The following SYT1 variants were observed in gnomAD, a reference collection of about 807,000 sequenced individuals.
The protein encoded by SYT1 is synaptotagmin-1.
In SYT1, 8 loss-of-function variants were observed where a neutral mutation model predicts 44.8. That is an observed-to-expected ratio of 0.18 (90% CI 0.10 to 0.32). The LOEUF (loss-of-function observed/expected upper bound fraction) is 0.32, where lower values mean the gene tolerates loss of function less well. Ranked by LOEUF, SYT1 falls within the 10% of genes least tolerant of loss-of-function variation. SYT1 has a pLI of 1.00. For missense variants in SYT1, 286 were observed against 509.3 expected (o/e 0.56, Z 4.22); for synonymous variants, 154 against 188.8 (o/e 0.82, Z 1.51).
intron 1 of SYT1, among the ~76,000 whole-genome samples, chr12:78,889,463 T>C (rs923412459): frequency 6.6e-6 from 1 of 151,880 alleles, no homozygotes; most frequent in Non-Finnish European, 1.5e-5. Context: ...TGCTCTACAA[T>C]AGGTAAAAAG....
chr12:79,135,103 C>CT (rs913504729), intron 3 of SYT1, among the ~76,000 whole-genome samples: 1 of 151,912 alleles, frequency 6.6e-6, no homozygotes, highest in Non-Finnish European at 1.5e-5. Flanking sequence ...AGTGCATATA[C>CT]TTTTTTATTA....
At chr12:79,289,356 A>G (rs1169034687) in intron 5 of SYT1, among the ~76,000 whole-genome samples, 1 of 152,212 alleles carries the variant, frequency 6.6e-6, no homozygotes, top group Non-Finnish European at 1.5e-5. Flanking sequence ...GAGATATTAT[A>G]ATAGCTACTG....
intron 2 of SYT1, among the ~76,000 whole-genome samples, chr12:78,986,785 T>G (rs1193929783): frequency 6.6e-6 from 1 of 152,034 alleles, no homozygotes; most frequent in East Asian, 1.9e-4. Flanking sequence ...TATAATAGAA[T>G]TATGGACTGT....
At chr12:79,066,603 TG>T (rs1744965222) in intron 3 of SYT1, among the ~76,000 whole-genome samples, 1 of 152,288 alleles carries the variant, frequency 6.6e-6, no homozygotes, top group Non-Finnish European at 1.5e-5. Context: ...GTAAATATTG[TG>T]AATTATACTT....
At chr12:79,224,164 C>G (rs1006271560) in intron 4 of SYT1, among the ~76,000 whole-genome samples, 18 of 152,182 alleles carry the variant, frequency 1.2e-4, no homozygotes, top group African/African-American at 3.9e-4. Flanking sequence ...TACTCTGCCT[C>G]AGTCCAGTTG....
At chr12:79,196,746 C>A (rs1873487209) in intron 3 of SYT1, among the ~76,000 whole-genome samples, 1 of 152,152 alleles carries the variant, frequency 6.6e-6, no homozygotes, top group Admixed American at 6.5e-5. Flanking sequence ...GCATTGTACA[C>A]ACAACAGGAG....
intron 1 of SYT1, among the ~76,000 whole-genome samples, chr12:78,934,887 T>A (rs1877966034): frequency 1.3e-5 from 2 of 152,142 alleles, no homozygotes; most frequent in African/African-American, 4.8e-5. Flanking sequence ...ATTTAGGAAT[T>A]CAAGCAGATC....
intron 4 of SYT1, among the ~76,000 whole-genome samples, chr12:79,241,206 T>A (rs1393128916): frequency 6.6e-6 from 1 of 151,416 alleles, no homozygotes; most frequent in Non-Finnish European, 1.5e-5. Flanking sequence ...GTAAGTAAAA[T>A]TCTGAGATTC....
chr12:78,931,327 GGGAGGGAGGGAA>G (rs1877707271), intron 1 of SYT1, among the ~76,000 whole-genome samples: 2 of 23,332 alleles, frequency 8.6e-5, no homozygotes, highest in African/African-American at 2.8e-4. Context: ...GAGGGAGGGA[GGGAGGGAGGGAA>G]GGAAGGAAGG....
chr12:79,330,080 A>G (rs930743488), intron 8 of SYT1, among the ~76,000 whole-genome samples: 1 of 152,094 alleles, frequency 6.6e-6, no homozygotes, highest in Admixed American at 6.5e-5. Context: ...AATCTGTTTA[A>G]CTCAGGCAAC....
chr12:79,366,116 C>T (rs1279431147), intron 9 of SYT1, among the ~76,000 whole-genome samples: 5 of 152,180 alleles, frequency 3.3e-5, no homozygotes, highest in African/African-American at 1.2e-4. Flanking sequence ...AGAAAACACT[C>T]CTGCATTTTA....
chr12:78,914,055 T>G (rs181041761), intron 1 of SYT1, among the ~76,000 whole-genome samples: 120 of 151,990 alleles, frequency 7.9e-4, no homozygotes, highest in Non-Finnish European at 1.1e-3. Context: ...TGACTATAAA[T>G]TAGATAATAT....
At chr12:78,921,577 G>T (rs923762898) in intron 1 of SYT1, among the ~76,000 whole-genome samples, 2 of 151,800 alleles carry the variant, frequency 1.3e-5, no homozygotes, top group East Asian at 1.9e-4. Context: ...CACAGCTCAG[G>T]TCTTGATTCT....
intron 2 of SYT1, among the ~76,000 whole-genome samples, chr12:79,006,649 T>G (rs1871106181): frequency 6.6e-6 from 1 of 152,064 alleles, no homozygotes; most frequent in Non-Finnish European, 1.5e-5. Context: ...TTGTTTTGGG[T>G]TTTGTTATCT....
chr12:79,148,103 C>T (rs942661077), intron 3 of SYT1, among the ~76,000 whole-genome samples: 1 of 152,100 alleles, frequency 6.6e-6, no homozygotes, highest in African/African-American at 2.4e-5. Context: ...TTCATTTAGG[C>T]ATGCAGTGCT....
At chr12:79,019,895 T>C (rs1872071227) in intron 2 of SYT1, among the ~76,000 whole-genome samples, 1 of 151,974 alleles carries the variant, frequency 6.6e-6, no homozygotes, top group Non-Finnish European at 1.5e-5. Context: ...TTTTTCCTTT[T>C]CACACCTCTA....
Position 79,449,204 on chromosome 12 carries a change from CT to C in SYT1, c.*83del. The C allele has an allele frequency of 7.2e-7, 1 of 1,397,234 alleles. No homozygotes were observed. Among genetic ancestry groups the C allele is most frequent in the Non-Finnish European group, 9.8e-7 (1 of 1,023,518 alleles). The allele number at this position is 1,397,234 out of a possible 1,614,324, so 86.6% of individuals were successfully genotyped here. On this transcript the variant is annotated 3_prime_UTR_variant, in exon 11 of 11. Coordinates refer to ENST00000261205, the MANE Select transcript of SYT1 (RefSeq NM_005639.3). The stretch of plus-strand genomic sequence containing the variant: ...TGTAAATACCTCAGTAATATGGGTC[CT>C]TTCATTTTTCCAGCCATGCATTCCT...
chr12:79,173,383 G>A (rs1024785839), intron 3 of SYT1, among the ~76,000 whole-genome samples: 1 of 152,048 alleles, frequency 6.6e-6, no homozygotes, highest in African/African-American at 2.4e-5. Context: ...CCCCAAATTT[G>A]TCAGTTAGGC....
At chr12:78,904,134 T>G (rs1044753190) in intron 1 of SYT1, among the ~76,000 whole-genome samples, 11 of 152,128 alleles carry the variant, frequency 7.2e-5, no homozygotes, top group African/African-American at 2.7e-4. Flanking sequence ...TTTGTTTTTA[T>G]AGTGAAATGT....
Sources: allele counts gnomAD v4.1 joint callset (sites outside exome capture counted in the v4.1 genomes callset), GRCh38; gene constraint gnomAD v4.1.1; transcripts MANE v1.5; gene names NCBI Gene and HGNC (gene_info 2026-07-23, HGNC 2026-07-21).